The following CHST15 variants were observed in gnomAD, a reference collection of about 807,000 sequenced individuals.
CHST15 encodes the protein B cell RAG associated protein (GALNAC4S-6ST).
CHST15 carries 30 observed loss-of-function variants against 53.6 expected under a neutral mutation model. The observed-to-expected ratio is 0.56, with a 90% CI of 0.42 to 0.76. The LOEUF (loss-of-function observed/expected upper bound fraction) is 0.76. CHST15 is among the 30% of genes least tolerant of loss of function. CHST15 has a pLI of 0.00. For synonymous variants in CHST15, 296 were observed against 289.8 expected, an observed-to-expected ratio of 1.02 and a Z score of -0.22; for missense variants, 627 against 740.5, an observed-to-expected ratio of 0.85 and a Z score of 1.78.
At position 124,008,183 on chromosome 10, in the gene CHST15, G is replaced by C. The variant is rs1034355667; in HGVS notation, c.*1966C>G. ...TAGGAGTGCATAAGAAAAATCCCTT[G>C]TTGTAATTATGGTTGGTGTGGAATA... On this transcript the variant is annotated 3_prime_UTR_variant, in exon 8 of 8. Coordinates refer to ENST00000435907, the MANE Select transcript of CHST15 (RefSeq NM_001270764.2). The C allele has an allele frequency of 8.1e-7, 1 of 1,229,714 alleles. No individual in the cohort carries two copies. Among genetic ancestry groups the C allele is most frequent in the Non-Finnish European group, 1.0e-6 (1 of 986,938 alleles). 76.2% of individuals were successfully genotyped at this position (1,229,714 alleles called of 1,614,324 possible).
chr10:124,084,082 C>T (rs1268473199), intron 1 of CHST15, among the ~76,000 whole-genome samples: 4 of 152,208 alleles, frequency 2.6e-5, no homozygotes, highest in Non-Finnish European at 4.4e-5. Flanking sequence ...CAAGGCAGAG[C>T]TAGGGAAGGA....
At chr10:124,088,341 T>C (rs955350570) in intron 1 of CHST15, among the ~76,000 whole-genome samples, 4 of 152,240 alleles carry the variant, frequency 2.6e-5, no homozygotes, top group Admixed American at 6.5e-5. Context: ...CTGAGTGCTG[T>C]GCTCTGTGCT....
intron 5 of CHST15, among the ~76,000 whole-genome samples, chr10:124,021,651 C>A (rs543839100): frequency 2.5e-4 from 38 of 152,308 alleles, no homozygotes; most frequent in African/African-American, 8.9e-4. Context: ...ACACAAACCA[C>A]CAGCCGCTTT....
rs1007057948 is a variant in CHST15 at position 124,009,938 on chromosome 10, C to T, written c.*211G>A. ...TTGAGAAACTGGGGTCTCCAATGGC[C>T]TCGGATAGAGGAGCTCTGTGAGGGG... On this transcript the variant is annotated 3_prime_UTR_variant, in exon 8 of 8. Coordinates refer to ENST00000435907, the MANE Select transcript of CHST15 (RefSeq NM_001270764.2). 1 of 1,403,114 alleles carries T rather than the reference C, an allele frequency of 7.1e-7. No homozygotes were observed. The highest frequency in any genetic ancestry group is 2.9e-5 in the Admixed American group (1 of 33,984). The allele number at this position is 1,403,114 out of a possible 1,614,324, so 86.9% of individuals were successfully genotyped here. A position where few individuals can be genotyped will look rare whatever the true frequency, so the allele number is the denominator to read the frequency against.
chr10:124,033,744 G>C (rs1313857254), intron 5 of CHST15, among the ~76,000 whole-genome samples: 1 of 152,166 alleles, frequency 6.6e-6, no homozygotes, highest in Non-Finnish European at 1.5e-5. Flanking sequence ...AGCTCTTGAG[G>C]TGCTGAATTC....
intron 1 of CHST15, among the ~76,000 whole-genome samples, chr10:124,067,527 AC>A (rs1303015956): frequency 6.6e-6 from 1 of 152,204 alleles, no homozygotes; most frequent in East Asian, 1.9e-4. Context: ...GAAGTTGGAG[AC>A]TTCTTCTGCA....
intron 4 of CHST15, among the ~76,000 whole-genome samples, chr10:124,040,112 A>G (rs1318793045): frequency 6.6e-6 from 1 of 152,220 alleles, no homozygotes; most frequent in African/African-American, 2.4e-5. Context: ...TAAGAATATA[A>G]AGGACAAGTG....
intron 1 of CHST15, among the ~76,000 whole-genome samples, chr10:124,077,972 C>A (rs1235064390): frequency 6.6e-6 from 1 of 152,218 alleles, no homozygotes; most frequent in Non-Finnish European, 1.5e-5. Context: ...CCAAACTAGG[C>A]TGCAGAAATT....
At position 124,009,868 on chromosome 10, in the gene CHST15, G is replaced by A; in HGVS notation, c.*281C>T. ...TCTCCACACCCAGTGCAGGCCAGCT[G>A]GCTGCATCCCCAAGCTCCAGGACGC... On this transcript the variant is annotated 3_prime_UTR_variant, in exon 8 of 8. Transcript: ENST00000435907. The A allele has an allele frequency of 8.1e-7, 1 of 1,241,794 alleles. No homozygotes were observed. Among genetic ancestry groups the A allele is most frequent in the African/African-American group, 1.6e-5 (1 of 63,920 alleles). The allele number at this position is 1,241,794 out of a possible 1,614,324, so 76.9% of individuals were successfully genotyped here. A position where few individuals can be genotyped will look rare whatever the true frequency, so the allele number is the denominator to read the frequency against.
intron 1 of CHST15, among the ~76,000 whole-genome samples, chr10:124,058,764 G>C (rs1386486177): frequency 2.0e-5 from 3 of 152,204 alleles, no homozygotes; most frequent in Admixed American, 2.0e-4. Context: ...AAGAGTCAGG[G>C]AACAAGCTCC....
intron 5 of CHST15, among the ~76,000 whole-genome samples, chr10:124,025,744 C>T (rs1946978154): frequency 6.6e-6 from 1 of 152,118 alleles, no homozygotes; most frequent in Non-Finnish European, 1.5e-5. Flanking sequence ...GTCCCAAATC[C>T]AATGGCAGGT....
Position 124,009,096 on chromosome 10 carries a change from A to G in CHST15, c.*1053T>C. On this transcript the variant is annotated 3_prime_UTR_variant, in exon 8 of 8. Transcript: ENST00000435907. ...ACCACACGCAGTGGAGAATGTGGAA[A>G]TAAACTATTTCCAATGGGAAGGCAG... 7.9e-7 allele frequency: 1 copy of G among 1,265,904 alleles called. No homozygotes were observed. The highest frequency in any genetic ancestry group is 5.7e-5 in the East Asian group (1 of 17,460). 78.4% of individuals were successfully genotyped at this position (1,265,904 alleles called of 1,614,324 possible). A position where few individuals can be genotyped will look rare whatever the true frequency, so the allele number is the denominator to read the frequency against.
At chr10:124,042,044 C>G (rs1432838478) in intron 4 of CHST15, among the ~76,000 whole-genome samples, 1 of 152,242 alleles carries the variant, frequency 6.6e-6, no homozygotes, top group Non-Finnish European at 1.5e-5. Flanking sequence ...GGCAACTTCT[C>G]AAGAAAGCCA....
At chr10:124,040,464 C>T (rs183813246) in intron 4 of CHST15, among the ~76,000 whole-genome samples, 2 of 152,340 alleles carry the variant, frequency 1.3e-5, no homozygotes, top group Admixed American at 6.5e-5. Flanking sequence ...TCAAGTTCAG[C>T]CATCACGTTC....
Position 124,085,625 on chromosome 10 carries a change from G to A in CHST15, c.-513+7844C>T, listed in dbSNP as rs550833694. Among the ~76,000 whole-genome samples, 7 of 152,346 alleles carry A rather than the reference G, an allele frequency of 4.6e-5. No homozygotes were observed. In the East Asian group the frequency reaches 1.4e-3, roughly 29 times the overall value. ...GAGTCCAGCTACATGGATGTACCGT[G>A]AGCCCCAGACACCCTCCTCCTGAAG... On this transcript the variant is annotated intron_variant, in intron 1 of 7. Coordinates refer to ENST00000435907, the MANE Select transcript of CHST15 (RefSeq NM_001270764.2).
intron 4 of CHST15, 85 bp downstream of exon 4, chr10:124,042,216 T>C: frequency 1.4e-6 from 2 of 1,393,162 alleles, no homozygotes; most frequent in Non-Finnish European, 2.0e-6. Flanking sequence ...GTTCTGGAGG[T>C]GAAGCAGAGC....
chr10:124,044,633 T>A lies in CHST15; in HGVS notation c.833A>T (p.Glu278Val), dbSNP rs746788285. 1 of 1,595,302 alleles carries A rather than the reference T, an allele frequency of 6.3e-7. No individual in the cohort carries two copies. Among genetic ancestry groups the A allele is most frequent in the Non-Finnish European group, 8.6e-7 (1 of 1,169,380 alleles). ...DLYDRLRLHP[E>V]VKFSAIKEPH... Reference sequence around the variant, plus strand: ...CTCCTTGATGGCGGAGAACTTGACCTCAGGGTGCAGCCGCAGGCGGTCATA... The same window carrying A: ...CTCCTTGATGGCGGAGAACTTGACCACAGGGTGCAGCCGCAGGCGGTCATA... Residue 278 changes from glutamate (E) to valine (V), a missense_variant, in exon 3 of 8, where the codon GAG becomes GTG. Glu to Val is a moderately radical substitution (Grantham distance 121). Coordinates refer to ENST00000435907, the MANE Select transcript of CHST15 (RefSeq NM_001270764.2).
chr10:124,032,082 T>A (rs968192902), intron 5 of CHST15, among the ~76,000 whole-genome samples: 3 of 152,202 alleles, frequency 2.0e-5, no homozygotes, highest in African/African-American at 7.2e-5. Context: ...ACAGAATCCA[T>A]TTCATTAAAA....
chr10:124,044,167 T>A (rs1281582957), intron 3 of CHST15, among the ~76,000 whole-genome samples: 15 of 135,342 alleles, frequency 1.1e-4, no homozygotes, highest in African/African-American at 3.4e-4. Flanking sequence ...GCACAGAGCT[T>A]GGGAGCGGCA....
Sources: allele counts gnomAD v4.1 joint callset (sites outside exome capture counted in the v4.1 genomes callset), GRCh38; gene constraint gnomAD v4.1.1; transcripts MANE v1.5; gene names NCBI Gene and HGNC (gene_info 2026-07-23, HGNC 2026-07-21).